MAP2K5: variants seen among roughly 807,000 people sequenced by gnomAD.
MAP2K5 encodes dual specificity mitogen-activated protein kinase kinase 5.
MAP2K5 carries 49 observed loss-of-function variants against 83.1 expected under a neutral mutation model. The ratio of observed to expected loss-of-function variants is 0.59; its 90% CI spans 0.47 to 0.75. The LOEUF is 0.75. Among genes scored for constraint, MAP2K5 ranks in the 30% least tolerant of loss-of-function variants. The pLI, the probability that MAP2K5 is intolerant of heterozygous loss-of-function variation, is 0.00. For missense variants in MAP2K5, 457 were observed against 557.5 expected, an observed-to-expected ratio of 0.82 and a Z score of 1.82; for synonymous variants, 202 against 191.8, an observed-to-expected ratio of 1.05 and a Z score of -0.44.
At chr15:67,634,373 A>AAAAC (rs2086546206) in intron 9 of MAP2K5, among the ~76,000 whole-genome samples, 1 of 48,156 alleles carries the variant, frequency 2.1e-5, no homozygotes, top group Non-Finnish European at 3.5e-5. Flanking sequence ...ATCTCAAAAA[A>AAAAC]AAAAAAAAAA....
At chr15:67,664,526 A>G in intron 12 of MAP2K5, 71 bp from the exon 13 acceptor site, 1 of 1,004,254 alleles carries the variant, frequency 1.0e-6, no homozygotes, top group Non-Finnish European at 1.5e-6. Context: ...TGTTGAATGT[A>G]TTTAAATATG....
chr15:67,706,776 T>C (rs1743096106), intron 16 of MAP2K5, among the ~76,000 whole-genome samples: 1 of 151,946 alleles, frequency 6.6e-6, no homozygotes. Context: ...GTAAGGCCCC[T>C]GGCATGTTTT....
intron 2 of MAP2K5, among the ~76,000 whole-genome samples, chr15:67,558,590 A>G (rs950430331): frequency 6.6e-6 from 1 of 152,146 alleles, no homozygotes; most frequent in African/African-American, 2.4e-5. Flanking sequence ...ATGCCCTCCA[A>G]GGCTCTGCAT....
rs115335635 is a variant in MAP2K5, at chr15:67,778,330, A to T, written c.1242+5578A>T. On this transcript the variant is annotated intron_variant, in intron 21 of 21. Transcript: ENST00000178640. The surrounding 1 kb of genome is among the most constrained non-coding windows in gnomAD (Gnocchi z 5.0). The stretch of plus-strand genomic sequence containing the variant: ...GCACATCTGCGTGGTCCCTTTAAAA[A>T]TCAGGGTAACCATGATGTTAGATTT... 2.8e-3 allele frequency among the ~76,000 whole-genome samples: 425 copies of T among 152,358 alleles called. 2 individuals carry two copies. Among genetic ancestry groups the T allele is most frequent in the African/African-American group, 9.9e-3 (413 of 41,582 alleles).
At chr15:67,567,586 G>A (rs1213578852) in intron 3 of MAP2K5, among the ~76,000 whole-genome samples, 3 of 151,470 alleles carry the variant, frequency 2.0e-5, no homozygotes, top group Non-Finnish European at 2.9e-5. Context: ...GGATGGTCTC[G>A]ATCTCCTGAC....
intron 1 of MAP2K5, chr15:67,549,342 CTT>C (rs1188233298): frequency 2.7e-6 from 2 of 746,064 alleles, no homozygotes; most frequent in Non-Finnish European, 4.4e-6. Flanking sequence ...GCTAGATTAA[CTT>C]TATTTCGGTG....
intron 6 of MAP2K5, among the ~76,000 whole-genome samples, chr15:67,589,837 G>A (rs1269770979): frequency 2.6e-5 from 4 of 151,682 alleles, no homozygotes; most frequent in East Asian, 3.9e-4. Flanking sequence ...GATGGACTTC[G>A]AGCAAGATCT....
At chr15:67,628,612 G>C (rs2086382842) in intron 8 of MAP2K5, 1 of 1,261,712 alleles carries the variant, frequency 7.9e-7, no homozygotes, top group African/African-American at 1.5e-5. Context: ...AAGGGGCTTT[G>C]CCTTTATAAC....
intron 13 of MAP2K5, among the ~76,000 whole-genome samples, chr15:67,689,485 G>T (rs557329038): frequency 2.6e-5 from 4 of 151,484 alleles, no homozygotes; most frequent in African/African-American, 9.7e-5. Flanking sequence ...TAATGATGAG[G>T]TTTTTTTTTC....
At position 67,548,322 on chromosome 15, in the gene MAP2K5, A is replaced by G. The variant is rs28368738; in HGVS notation, c.136-1712A>G. On this transcript the variant is annotated intron_variant, in intron 1 of 21. Transcript: ENST00000178640. ...TTTTTTTAAACCTACACTGGCTAGA[A>G]TGAGTGTTCAATAAGTACTGCTGAA... Among the ~76,000 whole-genome samples, 950 of 152,312 alleles carry G rather than the reference A, an allele frequency of 6.2e-3. 12 individuals are homozygous for G. Among genetic ancestry groups the G allele is most frequent in the African/African-American group, 0.022 (900 of 41,558 alleles).
At position 67,702,802 on chromosome 15, in the gene MAP2K5, A is replaced by T. The variant is rs1184279167; in HGVS notation, c.973-535A>T. On this transcript the variant is annotated intron_variant, in intron 15 of 21. Transcript: ENST00000178640. This position sits in a 1 kb window ranked among gnomAD's most constrained non-coding sequence, Gnocchi z 4.6. ...TTGAACAGCAGATGAATCTGGGTAAAGGAAATAGGAATGTGTATTGCTCTG... is the reference window on the plus strand; with the variant it reads ...TTGAACAGCAGATGAATCTGGGTAATGGAAATAGGAATGTGTATTGCTCTG... Among the ~76,000 whole-genome samples, 1 of 152,220 alleles carries T rather than the reference A, an allele frequency of 6.6e-6. No individual in the cohort carries two copies. Among genetic ancestry groups the T allele is most frequent in the African/African-American group, 2.4e-5 (1 of 41,464 alleles).
At chr15:67,581,445 A>G (rs2085178401) in intron 4 of MAP2K5, among the ~76,000 whole-genome samples, 2 of 152,204 alleles carry the variant, frequency 1.3e-5, no homozygotes, top group African/African-American at 2.4e-5. Context: ...TCAACCGTGT[A>G]TAAATGTTCC....
intron 13 of MAP2K5, among the ~76,000 whole-genome samples, chr15:67,675,635 A>G (rs1596773159): frequency 6.6e-6 from 1 of 152,336 alleles, no homozygotes; most frequent in Non-Finnish European, 1.5e-5. Flanking sequence ...TTACCATTGT[A>G]AATGTAAACT....
chr15:67,585,811 T>G, intron 4 of MAP2K5, 79 bp from the exon 5 acceptor site: 1 of 1,294,878 alleles, frequency 7.7e-7, no homozygotes, highest in South Asian at 1.2e-5. Context: ...TCACCCTCAT[T>G]TCTTTTTAAA....
Position 67,748,730 on chromosome 15 carries a change from C to A in MAP2K5, c.1134+129C>A. 2 of 830,518 alleles carry A rather than the reference C, an allele frequency of 2.4e-6. No homozygotes were observed. The highest frequency in any genetic ancestry group is 1.9e-6 in the Non-Finnish European group (1 of 518,090). 51.4% of individuals were successfully genotyped at this position (830,518 alleles called of 1,614,324 possible). Reference sequence around the variant, plus strand: ...GCAAGTTGTGTTGTATGGCTCTGAGCTATGTTACGTGAACTGGCCTTGTCC... The same window carrying A: ...GCAAGTTGTGTTGTATGGCTCTGAGATATGTTACGTGAACTGGCCTTGTCC... On this transcript the variant is annotated intron_variant, in intron 19 of 21. Transcript: ENST00000178640. The surrounding 1 kb of genome is among the most constrained non-coding windows in gnomAD (Gnocchi z 4.0).
chr15:67,721,880 T>C (rs2088967164), intron 16 of MAP2K5, among the ~76,000 whole-genome samples: 2 of 152,232 alleles, frequency 1.3e-5, no homozygotes, highest in African/African-American at 4.8e-5. Context: ...TTCACAAATG[T>C]AGATGGAAGG....
At chr15:67,691,023 G>A (rs1387478256) in intron 13 of MAP2K5, among the ~76,000 whole-genome samples, 2 of 152,172 alleles carry the variant, frequency 1.3e-5, no homozygotes, top group African/African-American at 4.8e-5. Context: ...AATTCATAGA[G>A]CCTCCCAATA....
intron 12 of MAP2K5, chr15:67,659,404 C>T (rs1018928838): frequency 2.6e-5 from 4 of 152,240 alleles, no homozygotes; most frequent in African/African-American, 9.7e-5. Context: ...AAACTGACAA[C>T]TCAAATTCTT....
At chr15:67,716,349 AAAAT>A (rs914928697) in intron 16 of MAP2K5, among the ~76,000 whole-genome samples, 4 of 152,184 alleles carry the variant, frequency 2.6e-5, no homozygotes, top group African/African-American at 9.7e-5. Flanking sequence ...AATAAAAAAG[AAAAT>A]AAATAAACAA....
Sources: gnomAD v4.1 joint callset for allele counts (sites outside exome capture counted in the v4.1 genomes callset) on GRCh38, gnomAD v4.1.1 for gene constraint, Gnocchi (gnomAD v3.1) non-coding constraint, MANE v1.5 for transcripts, NCBI Gene and HGNC (gene_info 2026-07-23, HGNC 2026-07-21) for gene names.